The following SP3 variants were observed in gnomAD, a reference collection of about 807,000 sequenced individuals.
The protein encoded by SP3 is transcription factor Sp3.
A neutral mutation model predicts 70.3 loss-of-function variants in SP3; 10 were observed. The observed-to-expected ratio is 0.14, with a 90% CI of 0.09 to 0.24. The LOEUF (loss-of-function observed/expected upper bound fraction) is 0.24. SP3 is among the 10% of genes least tolerant of loss of function. SP3 has a pLI of 1.00. For missense variants in SP3, 825 were observed against 914.6 expected (o/e 0.90, Z 1.26); for synonymous variants, 402 against 333.5 (o/e 1.21, Z -2.24).
intron 4 of SP3, among the ~76,000 whole-genome samples, chr2:173,930,574 A>G (rs1690040013): frequency 6.6e-6 from 1 of 152,226 alleles, no homozygotes; most frequent in African/African-American, 2.4e-5. Flanking sequence ...TACCAGTTAA[A>G]ATACAATTTG....
chr2:173,961,645 A>T (rs1007022261), intron 3 of SP3, among the ~76,000 whole-genome samples: 4 of 152,246 alleles, frequency 2.6e-5, no homozygotes, highest in African/African-American at 9.6e-5. Flanking sequence ...CAACTTTTCT[A>T]TAAATTTAAA....
chr2:173,922,690 C>T (rs1689790216), intron 4 of SP3, among the ~76,000 whole-genome samples: 1 of 152,040 alleles, frequency 6.6e-6, no homozygotes. Flanking sequence ...TCGGGAAGAA[C>T]TTAACTGTGT....
chr2:173,921,510 A>C (rs922453780), intron 4 of SP3, among the ~76,000 whole-genome samples: 6 of 149,634 alleles, frequency 4.0e-5, no homozygotes, highest in Admixed American at 1.4e-4. Context: ...GCCAAGAGAG[A>C]GCGGTCCCGT....
At chr2:173,935,534 T>G (rs1690185774) in intron 4 of SP3, among the ~76,000 whole-genome samples, 2 of 152,182 alleles carry the variant, frequency 1.3e-5, no homozygotes, top group African/African-American at 4.8e-5. Flanking sequence ...AACTTTATTA[T>G]CCTAAAAGAG....
At chr2:173,931,627 C>T (rs1690070653) in intron 4 of SP3, among the ~76,000 whole-genome samples, 1 of 152,142 alleles carries the variant, frequency 6.6e-6, no homozygotes, top group South Asian at 2.1e-4. Flanking sequence ...CAGGTGTGAG[C>T]CACCACGCCC....
chr2:173,923,383 C>A (rs1372938011), intron 4 of SP3, among the ~76,000 whole-genome samples: 2 of 151,972 alleles, frequency 1.3e-5, no homozygotes, highest in Non-Finnish European at 2.9e-5. Context: ...CCCACACACA[C>A]AATATGGTTA....
chr2:173,951,117 C>T (rs1446129774), intron 4 of SP3, among the ~76,000 whole-genome samples: 1 of 152,096 alleles, frequency 6.6e-6, no homozygotes, highest in Non-Finnish European at 1.5e-5. Flanking sequence ...TGCTTTATAC[C>T]AACTTCATTT....
intron 3 of SP3, among the ~76,000 whole-genome samples, chr2:173,959,711 G>A (rs1242628735): frequency 6.6e-6 from 1 of 152,042 alleles, no homozygotes; most frequent in Non-Finnish European, 1.5e-5. Context: ...CCGAGATTCC[G>A]CCACCGCACT....
At chr2:173,944,829 C>A (rs766680430) in intron 4 of SP3, among the ~76,000 whole-genome samples, 1 of 151,950 alleles carries the variant, frequency 6.6e-6, no homozygotes, top group African/African-American at 2.4e-5. Flanking sequence ...CCAAAAAAAA[C>A]CACCAATGGT....
chr2:173,940,147 G>A (rs1690327503), intron 4 of SP3, among the ~76,000 whole-genome samples: 2 of 152,030 alleles, frequency 1.3e-5, no homozygotes, highest in African/African-American at 4.8e-5. Flanking sequence ...CAAAGTGCTG[G>A]GATTATGCCA....
At position 173,907,356 on chromosome 2, in the gene SP3, C is replaced by T. The variant is rs1482243009; in HGVS notation, c.*2585G>A. 6.6e-6 allele frequency: 1 copy of T among 151,892 alleles called. No homozygotes were observed. Among genetic ancestry groups the T allele is most frequent in the Non-Finnish European group, 1.5e-5 (1 of 67,918 alleles). 9.4% of individuals were successfully genotyped at this position (151,892 alleles called of 1,614,324 possible). On this transcript the variant is annotated 3_prime_UTR_variant, in exon 7 of 7. Coordinates refer to ENST00000310015, the MANE Select transcript of SP3 (RefSeq NM_003111.5). ...TAACCAGAAAAAGTTGACATCAGAG[C>T]AAATCTTCAAATGTTGTTTCCAGAG...
At chr2:173,948,219 T>C (rs745867442) in intron 4 of SP3, among the ~76,000 whole-genome samples, 1 of 152,214 alleles carries the variant, frequency 6.6e-6, no homozygotes, top group Non-Finnish European at 1.5e-5. Context: ...CTTATACCCT[T>C]ATCCAAGGTT....
In SP3 at chr2:173,964,568, C is replaced by CG. The variant is rs770275052; in HGVS notation, c.8-16dup. 1.9e-4 allele frequency: 42 copies of CG among 225,858 alleles called. No homozygotes were observed. The highest frequency in any genetic ancestry group is 2.5e-4 in the Non-Finnish European group (27 of 107,466). 14.0% of individuals were successfully genotyped at this position (225,858 alleles called of 1,614,324 possible). On this transcript the variant is annotated splice_polypyrimidine_tract_variant and intron_variant, in intron 1 of 6. Coordinates refer to ENST00000310015, the MANE Select transcript of SP3 (RefSeq NM_003111.5). The stretch of plus-strand genomic sequence containing the variant: ...CTTTTCGGGAGCTGCAGGCACAGCG[C>CG]GGGGGGGTGGGGGTGGGGAGGAAGG...
chr2:173,931,620 G>A (rs547722157), intron 4 of SP3, among the ~76,000 whole-genome samples: 38 of 152,258 alleles, frequency 2.5e-4, no homozygotes, highest in African/African-American at 8.4e-4. Flanking sequence ...GGGGTTACAG[G>A]TGTGAGCCAC....
At chr2:173,961,935 GTT>G (rs536537799) in intron 3 of SP3, among the ~76,000 whole-genome samples, 24 of 81,014 alleles carry the variant, frequency 3.0e-4, no homozygotes, top group African/African-American at 8.6e-4. Context: ...TATGGTTTGG[GTT>G]TTTTTTTTTT....
chr2:173,935,790 G>T (rs1225328017), intron 4 of SP3, among the ~76,000 whole-genome samples: 1 of 151,978 alleles, frequency 6.6e-6, no homozygotes, highest in Admixed American at 6.6e-5. Context: ...ATTCCAACTA[G>T]TGTCATCTTG....
At chr2:173,942,282 C>T (rs1690394648) in intron 4 of SP3, among the ~76,000 whole-genome samples, 1 of 152,318 alleles carries the variant, frequency 6.6e-6, no homozygotes, top group East Asian at 1.9e-4. Context: ...GGGCCGGGAG[C>T]AGTGGCTCAC....
rs3754814 is a variant in SP3 at position 173,956,452 on chromosome 2, A to G, written c.280-220T>C. Among the ~76,000 whole-genome samples the G allele has an allele frequency of 6.5e-3, 986 of 152,316 alleles. 17 individuals carry two copies. The highest frequency in any genetic ancestry group is 0.038 in the East Asian group (195 of 5,188). On this transcript the variant is annotated intron_variant, in intron 3 of 6. Transcript: ENST00000310015. Reference sequence around the variant, plus strand: ...TCATCCTATTTGAGTGGGATAAAAAAAATTCTCGGAATGTTCATCACAACC... The same window carrying G: ...TCATCCTATTTGAGTGGGATAAAAAGAATTCTCGGAATGTTCATCACAACC...
intron 2 of SP3, 169 bp downstream of exon 2, chr2:173,964,236 G>A: frequency 2.0e-6 from 1 of 497,506 alleles, no homozygotes; most frequent in South Asian, 2.7e-5. Context: ...GGCGCGGGCG[G>A]GGTCGGAGCG....
Sources: allele counts gnomAD v4.1 joint callset (sites outside exome capture counted in the v4.1 genomes callset), GRCh38; gene constraint gnomAD v4.1.1; transcripts MANE v1.5; gene names NCBI Gene and HGNC (gene_info 2026-07-23, HGNC 2026-07-21).